NAALADL2: variants seen among roughly 807,000 people sequenced by gnomAD.
NAALADL2 encodes the protein N-acetylated alpha-linked acidic dipeptidase like 2.
NAALADL2 carries 76 observed loss-of-function variants against 87.2 expected under a neutral mutation model. The observed-to-expected ratio is 0.87, with a 90% CI of 0.72 to 1.05. The LOEUF (loss-of-function observed/expected upper bound fraction) is 1.05. NAALADL2 is among the 50% of genes least tolerant of loss of function. The pLI, the probability that NAALADL2 is intolerant of heterozygous loss-of-function variation, is 0.00. For missense variants in NAALADL2, 1,089 were observed against 945.8 expected (o/e 1.15, Z -1.99); for synonymous variants, 354 against 331.0 (o/e 1.07, Z -0.75).
chr3:175,525,922 A>G (rs1733346937), intron 9 of NAALADL2, among the ~76,000 whole-genome samples: 1 of 152,162 alleles, frequency 6.6e-6, no homozygotes. Context: ...TCTTTCTCTA[A>G]GGGATATAAA....
At chr3:174,877,040 T>A (rs550624288) in intron 1 of NAALADL2, among the ~76,000 whole-genome samples, 1 of 152,198 alleles carries the variant, frequency 6.6e-6, no homozygotes, top group South Asian at 2.1e-4. Flanking sequence ...TGAATCTCAT[T>A]ATGAGGGCCA....
At chr3:175,781,800 T>C (rs1751142053) in intron 13 of NAALADL2, among the ~76,000 whole-genome samples, 1 of 151,920 alleles carries the variant, frequency 6.6e-6, no homozygotes, top group African/African-American at 2.4e-5. Flanking sequence ...CATGCTGGTG[T>C]GCTGCACCCA....
chr3:174,540,773 T>G (rs2108464961), intron 1 of NAALADL2: 1 of 152,342 alleles, frequency 6.6e-6, no homozygotes, highest in East Asian at 1.9e-4. Flanking sequence ...TGATTTGCAT[T>G]AGGACAAAGC....
At chr3:175,447,119 G>GATAAAC in intron 5 of NAALADL2, 110 bp from the exon 6 acceptor site, 1 of 649,332 alleles carries the variant, frequency 1.5e-6, no homozygotes, top group Non-Finnish European at 2.5e-6. Context: ...ACAAGTGAAT[G>GATAAAC]AATATAAACT....
chr3:175,809,971 A>G lies in NAALADL2; in HGVS notation c.*6768A>G, dbSNP rs561871514. On this transcript the variant is annotated 3_prime_UTR_variant, in exon 14 of 14. Coordinates refer to ENST00000454872, the MANE Select transcript of NAALADL2 (RefSeq NM_207015.3). Reference sequence around the variant, plus strand: ...AAATTTGCTTTGATTAAAAACACATATCTCTCAAGAGGTGTCCCAATTACT... The same window carrying G: ...AAATTTGCTTTGATTAAAAACACATGTCTCTCAAGAGGTGTCCCAATTACT... The G allele has an allele frequency of 6.6e-6, 1 of 152,028 alleles. No homozygotes were observed. Among genetic ancestry groups the G allele is most frequent in the Non-Finnish European group, 1.5e-5 (1 of 67,980 alleles). The allele number at this position is 152,028 out of a possible 1,614,324, so 9.4% of individuals were successfully genotyped here.
chr3:175,629,530 T>C (rs1727474268), intron 11 of NAALADL2, among the ~76,000 whole-genome samples: 1 of 151,550 alleles, frequency 6.6e-6, no homozygotes, highest in African/African-American at 2.4e-5. Flanking sequence ...TTTTTCCTGC[T>C]TTTGTGGGAA....
chr3:175,556,412 A>C (rs1470837170), intron 9 of NAALADL2, among the ~76,000 whole-genome samples: 1 of 152,202 alleles, frequency 6.6e-6, no homozygotes, highest in Non-Finnish European at 1.5e-5. Context: ...TAAAAATGTA[A>C]GATTCTTTAG....
chr3:175,586,966 A>G (rs957519971), intron 10 of NAALADL2, among the ~76,000 whole-genome samples: 2 of 150,970 alleles, frequency 1.3e-5, no homozygotes, highest in East Asian at 3.9e-4. Context: ...ACTGGTTTGA[A>G]GACTTCCAGC....
chr3:175,196,164 A>G (rs1015296486), intron 2 of NAALADL2, among the ~76,000 whole-genome samples: 1 of 151,940 alleles, frequency 6.6e-6, no homozygotes, highest in African/African-American at 2.4e-5. Context: ...TCTTTTTTAT[A>G]TAATCAAAAG....
intron 10 of NAALADL2, among the ~76,000 whole-genome samples, chr3:175,608,225 A>G (rs1018129128): frequency 1.2e-4 from 18 of 148,226 alleles, no homozygotes; most frequent in African/African-American, 4.4e-4. Context: ...ATAGTCCACA[A>G]TCTGAAGTTC....
chr3:175,475,718 A>G (rs563558810), intron 9 of NAALADL2, among the ~76,000 whole-genome samples: 8 of 152,172 alleles, frequency 5.3e-5, no homozygotes, highest in African/African-American at 9.6e-5. Context: ...GTGTTTTTTT[A>G]ATTTAATTTA....
chr3:175,423,051 A>ATATATATATATT (rs1458599872), intron 5 of NAALADL2, among the ~76,000 whole-genome samples: 11 of 91,508 alleles, frequency 1.2e-4, no homozygotes, highest in Non-Finnish European at 1.8e-4. Context: ...ATATATATAT[A>ATATATATATATT]TTTTTTTTTT....
intron 2 of NAALADL2, among the ~76,000 whole-genome samples, chr3:175,136,705 T>G (rs951211306): frequency 6.6e-5 from 10 of 152,176 alleles, no homozygotes; most frequent in African/African-American, 2.2e-4. Context: ...ACCTCATGCT[T>G]TAAAATCTGC....
chr3:174,768,249 T>A (rs1017887545), intron 3 of NAALADL2, among the ~76,000 whole-genome samples: 28 of 152,306 alleles, frequency 1.8e-4, no homozygotes, highest in Non-Finnish European at 4.0e-4. Context: ...AGTGAGTAAA[T>A]CATATCATGA....
chr3:174,763,497 G>C (rs550715292), intron 3 of NAALADL2, among the ~76,000 whole-genome samples: 1 of 144,942 alleles, frequency 6.9e-6, no homozygotes, highest in East Asian at 2.1e-4. Context: ...TGAGGCAGGA[G>C]AATCGCTTGA....
chr3:174,656,492 A>G (rs1332102620), intron 2 of NAALADL2, among the ~76,000 whole-genome samples: 1 of 152,196 alleles, frequency 6.6e-6, no homozygotes, highest in Non-Finnish European at 1.5e-5. Flanking sequence ...TCAAATGGAG[A>G]AGTGTCAGCC....
At chr3:175,208,607 G>T (rs1741306671) in intron 2 of NAALADL2, among the ~76,000 whole-genome samples, 1 of 152,050 alleles carries the variant, frequency 6.6e-6, no homozygotes, top group African/African-American at 2.4e-5. Context: ...TGGCTGAAAC[G>T]TTGAATATAA....
intron 1 of NAALADL2, among the ~76,000 whole-genome samples, chr3:174,985,076 ACTT>A (rs1745673070): frequency 6.6e-6 from 1 of 152,252 alleles, no homozygotes; most frequent in South Asian, 2.1e-4. Flanking sequence ...TTCAGATCAT[ACTT>A]CCATACAGAT....
intron 11 of NAALADL2, among the ~76,000 whole-genome samples, chr3:175,649,909 GAA>G (rs540263929): frequency 3.2e-4 from 49 of 151,528 alleles, no homozygotes; most frequent in African/African-American, 1.2e-3. Context: ...TAACTCTAAA[GAA>G]AAAAAGTTCT....
Sources: allele counts gnomAD v4.1 joint callset (sites outside exome capture counted in the v4.1 genomes callset), GRCh38; gene constraint gnomAD v4.1.1; transcripts MANE v1.5; gene names NCBI Gene and HGNC (gene_info 2026-07-23, HGNC 2026-07-21).